The following TRPM3 variants were observed in gnomAD, a reference collection of about 807,000 sequenced individuals.
The protein encoded by TRPM3 is long transient receptor potential channel 3.
Under a neutral mutation model 181.2 loss-of-function variants are expected in TRPM3, and 77 were observed. That is an observed-to-expected ratio of 0.42 (90% confidence interval 0.35 to 0.51). TRPM3 has a LOEUF of 0.51. Ranked by LOEUF, TRPM3 falls within the 20% of genes least tolerant of loss-of-function variation. The probability of loss-of-function intolerance (pLI) is 0.01; values close to 1 mark genes in which losing one functional copy is unlikely to be tolerated. For synonymous variants in TRPM3, 745 were observed against 796.4 expected (o/e 0.94, Z 1.09); for missense variants, 1,759 against 2,196.7 (o/e 0.80, Z 3.98).
intron 22 of TRPM3, among the ~76,000 whole-genome samples, chr9:70,557,409 A>G (rs1321235451): frequency 6.6e-6 from 1 of 152,238 alleles, no homozygotes; most frequent in Non-Finnish European, 1.5e-5. Flanking sequence ...GCAAAGAAAG[A>G]GCATTATATG....
chr9:71,334,413 A>G (rs2132559079), intron 1 of TRPM3, among the ~76,000 whole-genome samples: 1 of 151,970 alleles, frequency 6.6e-6, no homozygotes, highest in East Asian at 1.9e-4. Flanking sequence ...AATTTCTAAT[A>G]CAAAAATGTA....
At chr9:70,577,132 ACT>A (rs1229987272) in intron 22 of TRPM3, among the ~76,000 whole-genome samples, 2 of 152,188 alleles carry the variant, frequency 1.3e-5, no homozygotes, top group African/African-American at 4.8e-5. Context: ...TTGTTGACTT[ACT>A]GTTTCCACCG....
At chr9:70,926,540 C>G (rs1589831110) in intron 1 of TRPM3, among the ~76,000 whole-genome samples, 1 of 152,074 alleles carries the variant, frequency 6.6e-6, no homozygotes, top group African/African-American at 2.4e-5. Flanking sequence ...TACTTTAGAT[C>G]TTAAAACATC....
intron 6 of TRPM3, among the ~76,000 whole-genome samples, chr9:70,789,085 C>T (rs1455587334): frequency 6.6e-6 from 1 of 151,854 alleles, no homozygotes; most frequent in Non-Finnish European, 1.5e-5. Context: ...TTTTTCTGTT[C>T]ACACTTTTTT....
chr9:70,873,259 C>T (rs144240338), intron 1 of TRPM3, among the ~76,000 whole-genome samples: 22 of 151,894 alleles, frequency 1.4e-4, no homozygotes, highest in Middle Eastern at 3.4e-3. Context: ...TTAGGGTTGC[C>T]GTTGGCCTAC....
At chr9:71,115,039 A>G (rs2072022135) in intron 1 of TRPM3, among the ~76,000 whole-genome samples, 1 of 152,198 alleles carries the variant, frequency 6.6e-6, no homozygotes, top group South Asian at 2.1e-4. Context: ...GCTGAACTCA[A>G]TTTACTTCTC....
chr9:71,436,075 G>A (rs1403822574), intron 1 of TRPM3, among the ~76,000 whole-genome samples: 1 of 152,120 alleles, frequency 6.6e-6, no homozygotes, highest in Non-Finnish European at 1.5e-5. Context: ...ATGGGGGTCA[G>A]TCTTCCCCAT....
intron 1 of TRPM3, among the ~76,000 whole-genome samples, chr9:71,098,415 G>T (rs1229078001): frequency 6.6e-6 from 1 of 152,202 alleles, no homozygotes; most frequent in Non-Finnish European, 1.5e-5. Flanking sequence ...AAGCCAGGCT[G>T]CTGGGAAGTT....
At chr9:71,060,146 A>T (rs995791267) in intron 1 of TRPM3, among the ~76,000 whole-genome samples, 1 of 152,126 alleles carries the variant, frequency 6.6e-6, no homozygotes, top group Non-Finnish European at 1.5e-5. Context: ...AATGCAAGCA[A>T]GAGCTTGCTA....
intron 22 of TRPM3, among the ~76,000 whole-genome samples, chr9:70,585,431 G>C (rs756493393): frequency 5.5e-4 from 84 of 152,160 alleles, no homozygotes; most frequent in Non-Finnish European, 1.1e-3. Flanking sequence ...CTTCTACTAA[G>C]CTCCAGAGTT....
At chr9:70,901,112 T>C (rs13297816) in intron 1 of TRPM3, among the ~76,000 whole-genome samples, 9,143 of 152,086 alleles carry the variant, frequency 0.06, 498 homozygotes, top group African/African-American at 0.15. Context: ...GAAAGTGACA[T>C]GAAAAAAGAA....
chr9:70,741,875 C>T (rs1473422234), intron 8 of TRPM3, among the ~76,000 whole-genome samples: 1 of 152,038 alleles, frequency 6.6e-6, no homozygotes, highest in Non-Finnish European at 1.5e-5. Flanking sequence ...ATACAGTGTA[C>T]ACTGCCCGGG....
chr9:71,364,185 A>G (rs764015475), intron 1 of TRPM3, among the ~76,000 whole-genome samples: 3 of 152,054 alleles, frequency 2.0e-5, no homozygotes, highest in Admixed American at 6.5e-5. Flanking sequence ...AACAATAAAA[A>G]GAACTGGGCT....
At chr9:70,636,350 T>A (rs560784854) in intron 11 of TRPM3, among the ~76,000 whole-genome samples, 10 of 152,050 alleles carry the variant, frequency 6.6e-5, no homozygotes, top group Non-Finnish European at 1.5e-4. Flanking sequence ...TGGATTTCGA[T>A]GACAGTTTGC....
intron 6 of TRPM3, among the ~76,000 whole-genome samples, chr9:70,803,030 TTGTAAAAA>T (rs1309815384): frequency 1.0e-5 from 1 of 96,554 alleles, no homozygotes; most frequent in Non-Finnish European, 2.2e-5. Flanking sequence ...TGGAGAAATT[TTGTAAAAA>T]AAAAAAAAAA....
rs55825345 is a variant in TRPM3 at position 70,925,997 on chromosome 9, CAA to C, written c.178-61488_178-61487del. 2.5e-3 allele frequency among the ~76,000 whole-genome samples: 354 copies of C among 138,992 alleles called. 1 individual carries two copies. The highest frequency in any genetic ancestry group is 6.0e-3 in the African/African-American group (225 of 37,662). The allele number at this position is 138,992 out of a possible 152,430, so 91.2% of individuals were successfully genotyped here. Reference sequence around the variant, plus strand: ...GAAGAAAAAGGTTGGCTTGGGAAAACAAAAAAAAAAAAAACAAACAAAAGCCA... The same window carrying C: ...GAAGAAAAAGGTTGGCTTGGGAAAACAAAAAAAAAAAACAAACAAAAGCCA... On this transcript the variant is annotated intron_variant, in intron 1 of 25. Coordinates refer to ENST00000677713, the MANE Select transcript of TRPM3 (RefSeq NM_001366145.2).
chr9:70,985,389 A>T (rs2134064996), intron 1 of TRPM3, among the ~76,000 whole-genome samples: 1 of 152,294 alleles, frequency 6.6e-6, no homozygotes. Context: ...GGGCACCATG[A>T]GGAAGAGGCC....
chr9:71,361,747 T>C (rs2092154655), intron 1 of TRPM3, among the ~76,000 whole-genome samples: 2 of 152,234 alleles, frequency 1.3e-5, no homozygotes, highest in South Asian at 2.1e-4. Context: ...TTATTCTGTA[T>C]GAAATTGCTC....
At chr9:70,846,276 T>C in intron 4 of TRPM3, 102 bp downstream of exon 4, 1 of 1,084,212 alleles carries the variant, frequency 9.2e-7, no homozygotes, top group Admixed American at 1.8e-5. Context: ...TGGGTAGGGA[T>C]GAAGTGGGGT....
Sources: gnomAD v4.1 joint callset for allele counts (sites outside exome capture counted in the v4.1 genomes callset) on GRCh38, gnomAD v4.1.1 for gene constraint, MANE v1.5 for transcripts, NCBI Gene and HGNC (gene_info 2026-07-23, HGNC 2026-07-21) for gene names.